The following CAMTA1 variants were observed in gnomAD, a reference collection of about 807,000 sequenced individuals.
CAMTA1 encodes calmodulin-binding transcription activator 1.
In CAMTA1, 27 loss-of-function variants were observed where a neutral mutation model predicts 170.9. That is an observed-to-expected ratio of 0.16 (90% CI 0.12 to 0.22). The LOEUF (loss-of-function observed/expected upper bound fraction) is 0.22, where lower values mean the gene tolerates loss of function less well. Ranked by LOEUF, CAMTA1 falls within the 10% of genes least tolerant of loss-of-function variation. The probability of loss-of-function intolerance (pLI) is 1.00; values close to 1 mark genes in which losing one functional copy is unlikely to be tolerated. For missense variants in CAMTA1, 1,619 were observed against 2,217.2 expected, an observed-to-expected ratio of 0.73 and a Z score of 5.42; for synonymous variants, 833 against 891.5, an observed-to-expected ratio of 0.93 and a Z score of 1.17.
At chr1:7,119,515 T>C (rs2148445854) in intron 4 of CAMTA1, among the ~76,000 whole-genome samples, 1 of 152,292 alleles carries the variant, frequency 6.6e-6, no homozygotes, top group East Asian at 1.9e-4. Context: ...ATAGTTAACA[T>C]GGAAGAACCC....
chr1:7,239,086 T>C (rs1050286504), intron 4 of CAMTA1, among the ~76,000 whole-genome samples: 2 of 152,178 alleles, frequency 1.3e-5, no homozygotes, highest in South Asian at 4.1e-4. Context: ...TGGTCAGTCT[T>C]ATTTCATCCA....
intron 3 of CAMTA1, among the ~76,000 whole-genome samples, chr1:7,039,281 T>C (rs1704083824): frequency 1.3e-5 from 2 of 152,124 alleles, no homozygotes; most frequent in African/African-American, 4.8e-5. Flanking sequence ...TTTTTTACTA[T>C]CATCATCATC....
At chr1:7,342,522 T>C (rs1407003209) in intron 5 of CAMTA1, among the ~76,000 whole-genome samples, 1 of 152,072 alleles carries the variant, frequency 6.6e-6, no homozygotes, top group Non-Finnish European at 1.5e-5. Flanking sequence ...GGGTCTGGGA[T>C]GGGAAGAAAC....
chr1:7,537,080 A>T (rs1455124056), intron 6 of CAMTA1, among the ~76,000 whole-genome samples: 1 of 151,880 alleles, frequency 6.6e-6, no homozygotes, highest in Non-Finnish European at 1.5e-5. Flanking sequence ...AGCAGGTGAC[A>T]TTCATCTGCA....
In CAMTA1 at chr1:7,398,154, G is replaced by GCTCT. The variant is rs371668581; in HGVS notation, c.439-69639_439-69636dup. The stretch of plus-strand genomic sequence containing the variant: ...TTCAGAAGTTAGATATAATAATATT[G>GCTCT]CTCTCTCTCTCTCTCTCTCTCTCTC... On this transcript the variant is annotated intron_variant, in intron 5 of 22. Transcript: ENST00000303635. Among the ~76,000 whole-genome samples the GCTCT allele has an allele frequency of 3.6e-3, 94 of 26,222 alleles. 5 individuals carry two copies. Among genetic ancestry groups the GCTCT allele is most frequent in the East Asian group, 7.6e-3 (5 of 656 alleles). The allele number at this position is 26,222 out of a possible 152,430, so 17.2% of individuals were successfully genotyped here. A position where few individuals can be genotyped will look rare whatever the true frequency, so the allele number is the denominator to read the frequency against.
Position 7,583,255 on chromosome 1 carries a change from A to G in CAMTA1, c.511-57145A>G, listed in dbSNP as rs115586803. On this transcript the variant is annotated intron_variant, in intron 6 of 22. Transcript: ENST00000303635. ...GTGGAAGGAGGGAGGAGCCAAGCAG[A>G]GGCCCAGGTGTGTGGAAGGGGTGCA... Among the ~76,000 whole-genome samples the G allele has an allele frequency of 8.7e-3, 1,326 of 152,100 alleles. 13 individuals carry two copies. The highest frequency in any genetic ancestry group is 0.031 in the African/African-American group (1,266 of 41,482).
At position 6,785,523 on chromosome 1, in the gene CAMTA1, G is replaced by A; in HGVS notation, c.-8G>A. 4.7e-6 allele frequency: 5 copies of A among 1,070,952 alleles called. No homozygotes were observed. Among genetic ancestry groups the A allele is most frequent in the Non-Finnish European group, 5.7e-6 (5 of 871,106 alleles). 66.3% of individuals were successfully genotyped at this position (1,070,952 alleles called of 1,614,324 possible). On this transcript the variant is annotated 5_prime_UTR_variant, in exon 1 of 23. Transcript: ENST00000303635. ...GCGCTCGGGGTCCCGGTCGCGAGGAGGAGGAGGATGTGGCGCGCGGAGGGG... is the reference window on the plus strand; with the variant it reads ...GCGCTCGGGGTCCCGGTCGCGAGGAAGAGGAGGATGTGGCGCGCGGAGGGG...
chr1:7,554,926 T>C (rs1286496137), intron 6 of CAMTA1, among the ~76,000 whole-genome samples: 17 of 147,712 alleles, frequency 1.2e-4, no homozygotes, highest in Admixed American at 1.1e-3. Flanking sequence ...TTTTTCTGAC[T>C]TTTTTTTTCA....
chr1:6,988,448 G>A (rs142554920), intron 3 of CAMTA1, among the ~76,000 whole-genome samples: 1 of 152,264 alleles, frequency 6.6e-6, no homozygotes, highest in East Asian at 1.9e-4. Flanking sequence ...ATAAAAACCC[G>A]AGTATTGTAC....
At chr1:7,467,999 C>T (rs1344960151) in intron 6 of CAMTA1, 98 bp downstream of exon 6, 12 of 976,906 alleles carry the variant, frequency 1.2e-5, no homozygotes, top group East Asian at 4.8e-5. Context: ...GACACGGCTT[C>T]GGGCTGAGAG....
Position 6,797,097 on chromosome 1 carries a change from T to C in CAMTA1, c.45+11522T>C, listed in dbSNP as rs569367618. Among the ~76,000 whole-genome samples, 5 of 152,326 alleles carry C rather than the reference T, an allele frequency of 3.3e-5. No individual in the cohort carries two copies. In the South Asian group the frequency reaches 1.0e-3, roughly 32 times the overall value. ...GAGATCACTTTTTTTTCTGAGACAGTCTTGCTTTGTCACCCAGACTGGAGT... is the reference window on the plus strand; with the variant it reads ...GAGATCACTTTTTTTTCTGAGACAGCCTTGCTTTGTCACCCAGACTGGAGT... On this transcript the variant is annotated intron_variant, in intron 1 of 22. Coordinates refer to ENST00000303635, the MANE Select transcript of CAMTA1 (RefSeq NM_015215.4).
chr1:7,379,425 TG>T (rs2087102572), intron 5 of CAMTA1, among the ~76,000 whole-genome samples: 1 of 152,204 alleles, frequency 6.6e-6, no homozygotes, highest in South Asian at 2.1e-4. Context: ...TTGAATCCAT[TG>T]TGAGGGATCG....
At chr1:6,790,375 A>AGTGTGTGTGT (rs370868840) in intron 1 of CAMTA1, among the ~76,000 whole-genome samples, 139 of 139,122 alleles carry the variant, frequency 1.0e-3, no homozygotes, top group South Asian at 2.8e-3. Context: ...AGAGAGAGAG[A>AGTGTGTGTGT]GTGTGTGTGT....
In CAMTA1 at chr1:7,435,224, G is replaced by A. The variant is rs935960150; in HGVS notation, c.439-32606G>A. On this transcript the variant is annotated intron_variant, in intron 5 of 22. Transcript: ENST00000303635. The surrounding 1 kb of genome is among the most constrained non-coding windows in gnomAD (Gnocchi z 4.4). ...ACATTGGCAACAGCTGCATTTTGGA[G>A]GGGGTGCATTCAAACCACAGCAGTT... Among the ~76,000 whole-genome samples the A allele has an allele frequency of 2.6e-5, 4 of 152,164 alleles. No individual in the cohort carries two copies. The highest frequency in any genetic ancestry group is 2.6e-4 in the Admixed American group (4 of 15,274).
chr1:7,296,413 T>A (rs184132769), intron 5 of CAMTA1, among the ~76,000 whole-genome samples: 5 of 152,332 alleles, frequency 3.3e-5, no homozygotes, highest in Admixed American at 3.3e-4. Flanking sequence ...TTGCACACAC[T>A]GTCTGCTGCA....
At chr1:7,087,847 C>T (rs1467370275) in intron 3 of CAMTA1, among the ~76,000 whole-genome samples, 1 of 152,256 alleles carries the variant, frequency 6.6e-6, no homozygotes, top group Non-Finnish European at 1.5e-5. Context: ...TCCCCACAAT[C>T]ACTCTGAATT....
chr1:7,215,858 G>A (rs1170910653), intron 4 of CAMTA1, among the ~76,000 whole-genome samples: 1 of 152,060 alleles, frequency 6.6e-6, no homozygotes. Flanking sequence ...CACCTAACAC[G>A]TGACCAACTT....
chr1:7,668,444 C>T (rs1486968532), intron 9 of CAMTA1, among the ~76,000 whole-genome samples: 6 of 149,306 alleles, frequency 4.0e-5, no homozygotes. Flanking sequence ...CACCACACAC[C>T]CCAGAGGCGT....
rs547225104 is a variant in CAMTA1 at position 7,674,605 on chromosome 1, C to T, written c.2780-2994C>T. On this transcript the variant is annotated intron_variant, in intron 10 of 22. Coordinates refer to ENST00000303635, the MANE Select transcript of CAMTA1 (RefSeq NM_015215.4). The surrounding 1 kb of genome is among the most constrained non-coding windows in gnomAD (Gnocchi z 4.1). ...ACCAGCCTGACCGACATGGTGAAAC[C>T]CCGTCTCTACTAAAAATACAAAAAT... is the stretch of plus-strand genomic sequence containing the variant. 2.7e-4 allele frequency among the ~76,000 whole-genome samples: 41 copies of T among 151,982 alleles called. No homozygotes were observed. Among genetic ancestry groups the T allele is most frequent in the Non-Finnish European group, 4.7e-4 (32 of 67,994 alleles).
Sources: allele counts gnomAD v4.1 joint callset (sites outside exome capture counted in the v4.1 genomes callset), GRCh38; gene constraint gnomAD v4.1.1; non-coding constraint Gnocchi (gnomAD v3.1); transcripts MANE v1.5; gene names NCBI Gene and HGNC (gene_info 2026-07-23, HGNC 2026-07-21).